Variants in DENND2B observed in about 807,000 individuals in gnomAD.
DENND2B encodes the protein DENN domain containing 2B.
A neutral mutation model predicts 116.0 loss-of-function variants in DENND2B; 32 were observed. The observed-to-expected ratio is 0.28, with a 90% CI of 0.21 to 0.37. The LOEUF is 0.37. DENND2B is among the 10% of genes least tolerant of loss of function. DENND2B has a pLI of 1.00. For synonymous variants in DENND2B, 588 were observed against 583.9 expected (o/e 1.01, Z -0.10); for missense variants, 1,276 against 1,477.7 (o/e 0.86, Z 2.24).
chr11:8,774,877 A>ATTTTTTTTTTTTTTTTTTTT (rs1565919434), intron 1 of DENND2B, among the ~76,000 whole-genome samples: 1 of 143,734 alleles, frequency 7.0e-6, no homozygotes, highest in African/African-American at 2.6e-5. Context: ...TTTTTTTTTA[A>ATTTTTTTTTTTTTTTTTTTT]TTATTATTTT....
chr11:8,693,983 G>C lies in DENND2B; in HGVS notation c.*113C>G. ...AAGGCAGAGGTGGGCTGGCTTGGAG[G>C]ATAGGATCTGTGGGGGCAGAGGAGC... On this transcript the variant is annotated 3_prime_UTR_variant, in exon 20 of 20. Transcript: ENST00000313726. 1.8e-6 allele frequency: 2 copies of C among 1,131,322 alleles called. No individual in the cohort carries two copies. Among genetic ancestry groups the C allele is most frequent in the Non-Finnish European group, 2.6e-6 (2 of 771,468 alleles). 70.1% of individuals were successfully genotyped at this position (1,131,322 alleles called of 1,614,324 possible).
At chr11:8,714,403 C>G (rs539621106) in intron 7 of DENND2B, among the ~76,000 whole-genome samples, 1 of 152,206 alleles carries the variant, frequency 6.6e-6, no homozygotes, top group Non-Finnish European at 1.5e-5. Flanking sequence ...TTGCAGAAGC[C>G]GATTCCCACA....
chr11:8,895,413 A>G (rs1278619541), intron 1 of DENND2B: 1 of 152,218 alleles, frequency 6.6e-6, no homozygotes, highest in South Asian at 2.1e-4. Context: ...TTTAAAAAAA[A>G]TGGATGGACA....
chr11:8,753,930 A>C (rs764530307), intron 1 of DENND2B, among the ~76,000 whole-genome samples: 1 of 152,108 alleles, frequency 6.6e-6, no homozygotes, highest in Non-Finnish European at 1.5e-5. Flanking sequence ...CCCTAAATGT[A>C]AGAGCTACAA....
rs2064084213 is a variant in DENND2B at position 8,895,162 on chromosome 11, C to T, written c.-255-14053G>A. Among the ~76,000 whole-genome samples the T allele has an allele frequency of 3.9e-5, 6 of 152,150 alleles. 1 individual carries two copies. In the South Asian group the frequency reaches 1.2e-3, roughly 32 times the overall value. On this transcript the variant is annotated intron_variant, in intron 1 of 22. Transcript: ENST00000534127. ...ACTATCACAAAGACAAAAAACCAAA[C>T]ACCGCATGTTCTCACTCATAGGTGG...
At chr11:8,811,231 T>C, upstream of DENND2B, 1 of 398,634 alleles carries the variant, frequency 2.5e-6, no homozygotes, top group Non-Finnish European at 4.4e-6. Flanking sequence ...TCGCCTGGAC[T>C]GGCCTCTCTG....
intron 8 of DENND2B, among the ~76,000 whole-genome samples, chr11:8,713,453 C>T (rs2044137918): frequency 6.6e-6 from 1 of 152,108 alleles, no homozygotes; most frequent in African/African-American, 2.4e-5. Context: ...GATCTCAGCT[C>T]ACTACAACCT....
intron 4 of DENND2B, among the ~76,000 whole-genome samples, chr11:8,723,862 T>C (rs1350190644): frequency 2.6e-5 from 4 of 152,240 alleles, no homozygotes; most frequent in African/African-American, 7.2e-5. Flanking sequence ...GGCTACATAC[T>C]ATACGCTCTG....
chr11:8,710,184 G>A (rs771272512), intron 11 of DENND2B, among the ~76,000 whole-genome samples: 29 of 152,222 alleles, frequency 1.9e-4, no homozygotes, highest in Non-Finnish European at 4.4e-5. Context: ...CAAGCTGGGA[G>A]TGCAGCAGGG....
At chr11:8,866,060 C>T (rs1008442006) in intron 2 of DENND2B, among the ~76,000 whole-genome samples, 5 of 151,994 alleles carry the variant, frequency 3.3e-5, no homozygotes, top group African/African-American at 9.7e-5. Flanking sequence ...CCCGGGTTCA[C>T]GCCATTCTCC....
intron 1 of DENND2B, among the ~76,000 whole-genome samples, chr11:8,761,179 T>C (rs1377556924): frequency 6.6e-6 from 1 of 152,212 alleles, no homozygotes; most frequent in African/African-American, 2.4e-5. Context: ...AGTGAGGTCT[T>C]GTTAGGCAAT....
At chr11:8,837,025 T>G (rs1046711435) in intron 4 of DENND2B, among the ~76,000 whole-genome samples, 3 of 151,398 alleles carry the variant, frequency 2.0e-5, no homozygotes, top group Non-Finnish European at 4.4e-5. Context: ...CCTCAGTACT[T>G]CTTTAGGAGA....
intron 1 of DENND2B, among the ~76,000 whole-genome samples, chr11:8,781,779 C>G (rs2058400077): frequency 1.3e-5 from 2 of 151,890 alleles, no homozygotes; most frequent in Admixed American, 1.3e-4. Flanking sequence ...GACGAAAACC[C>G]AACTGAAAAA....
upstream of DENND2B, among the ~76,000 whole-genome samples, chr11:8,814,865 G>A (rs1004932720): frequency 6.6e-6 from 1 of 152,188 alleles, no homozygotes; most frequent in African/African-American, 2.4e-5. Flanking sequence ...ACTTAGAGCA[G>A]CTATTTCATG....
rs560416149 is a variant in DENND2B at position 8,735,615 on chromosome 11, A to G, written c.81-4406T>C. On this transcript the variant is annotated intron_variant, in intron 2 of 19. Transcript: ENST00000313726. ...TTCCCCACAGGCCAGCTTAGCTTCCATGATGTCTGGATTGGATCTCTCTCT... is the reference window on the plus strand; with the variant it reads ...TTCCCCACAGGCCAGCTTAGCTTCCGTGATGTCTGGATTGGATCTCTCTCT... Among the ~76,000 whole-genome samples, 11 of 152,306 alleles carry G rather than the reference A, an allele frequency of 7.2e-5. No homozygotes were observed. In the South Asian group the frequency reaches 1.9e-3, roughly 26 times the overall value.
intron 1 of DENND2B, among the ~76,000 whole-genome samples, chr11:8,788,330 C>A (rs888101201): frequency 6.6e-6 from 1 of 152,192 alleles, no homozygotes; most frequent in Non-Finnish European, 1.5e-5. Flanking sequence ...TCAACCCCAC[C>A]TATGTATCAC....
At position 8,730,233 on chromosome 11, in the gene DENND2B, C is replaced by G; in HGVS notation, c.1057G>C (p.Glu353Gln). ...GVAGEAGPPP[E>Q]REGSGSTKPG... The stretch of plus-strand genomic sequence containing the variant: ...TTAGTGGAACCACTGCCTTCCCTCT[C>G]TGGGGGTGGGCCCGCCTCCCCCGCA... Residue 353 changes from glutamate to glutamine, a missense_variant, in exon 3 of 20, where the codon GAG becomes CAG. Around this residue, in one of 2 missense-constraint regions of DENND2B, gnomAD observed 856 missense variants for 846.6 expected, o/e 1.01. Transcript: ENST00000313726. The surrounding 1 kb of genome is among the most constrained non-coding windows in gnomAD (Gnocchi z 4.1). 6.2e-7 allele frequency: 1 copy of G among 1,612,396 alleles called. No individual in the cohort carries two copies. Among genetic ancestry groups the G allele is most frequent in the Non-Finnish European group, 8.5e-7 (1 of 1,179,360 alleles).
intron 3 of DENND2B, among the ~76,000 whole-genome samples, chr11:8,839,913 G>A (rs911537398): frequency 6.6e-6 from 1 of 152,294 alleles, no homozygotes; most frequent in East Asian, 1.9e-4. Context: ...AATTTCAGGA[G>A]ACAGATGAAT....
chr11:8,859,647 A>G (rs1248426519), intron 2 of DENND2B, among the ~76,000 whole-genome samples: 1 of 152,184 alleles, frequency 6.6e-6, no homozygotes, highest in Non-Finnish European at 1.5e-5. Context: ...TATATCATGT[A>G]TATTTCAAAG....
Sources: gnomAD v4.1 joint callset for allele counts (sites outside exome capture counted in the v4.1 genomes callset) on GRCh38, gnomAD v4.1.1 for gene constraint, gnomAD v4.1.1 regional missense constraint, Gnocchi (gnomAD v3.1) non-coding constraint, MANE v1.5 for transcripts, NCBI Gene and HGNC (gene_info 2026-07-23, HGNC 2026-07-21) for gene names.